The following SEMA5A variants were observed in gnomAD, a reference collection of about 807,000 sequenced individuals.
The protein encoded by SEMA5A is semaphorin-5A.
In SEMA5A, 55 loss-of-function variants were observed where a neutral mutation model predicts 135.5. The observed-to-expected ratio is 0.41, with a 90% CI of 0.33 to 0.51. SEMA5A has a LOEUF of 0.51. Among genes scored for constraint, SEMA5A ranks in the 20% least tolerant of loss-of-function variants. The pLI is 0.37. For synonymous variants in SEMA5A, 580 were observed against 546.5 expected (o/e 1.06, Z -0.85); for missense variants, 1,290 against 1,419.9 (o/e 0.91, Z 1.47).
chr5:9,077,627 T>C (rs1579350094), intron 16 of SEMA5A, among the ~76,000 whole-genome samples: 1 of 152,204 alleles, frequency 6.6e-6, no homozygotes, highest in South Asian at 2.1e-4. Context: ...TTATGCCACT[T>C]GTTTGCAAGG....
At chr5:9,506,832 T>G (rs534287469) in intron 1 of SEMA5A, among the ~76,000 whole-genome samples, 43 of 152,174 alleles carry the variant, frequency 2.8e-4, no homozygotes, top group Non-Finnish European at 4.9e-4. Context: ...TGCCTCCCCC[T>G]CTATGTGCTA....
At chr5:9,208,685 G>A (rs759024535) in intron 8 of SEMA5A, among the ~76,000 whole-genome samples, 1 of 152,166 alleles carries the variant, frequency 6.6e-6, no homozygotes, top group Non-Finnish European at 1.5e-5. Context: ...CCACAGTCAG[G>A]ATCAAAGAGA....
At chr5:9,514,337 T>G (rs1736387618) in intron 1 of SEMA5A, among the ~76,000 whole-genome samples, 1 of 152,142 alleles carries the variant, frequency 6.6e-6, no homozygotes. Context: ...CCATGTCAGG[T>G]AACATTCACA....
intron 1 of SEMA5A, among the ~76,000 whole-genome samples, chr5:9,440,875 G>A (rs1758208105): frequency 6.6e-6 from 1 of 152,198 alleles, no homozygotes; most frequent in Admixed American, 6.5e-5. Context: ...CCAGTCTTAT[G>A]AGCTGAATTT....
intron 11 of SEMA5A, among the ~76,000 whole-genome samples, chr5:9,187,970 GT>G (rs1744898598): frequency 6.6e-6 from 1 of 152,164 alleles, no homozygotes; most frequent in Non-Finnish European, 1.5e-5. Flanking sequence ...CTTTTAAATA[GT>G]GGTTTTAAAC....
At chr5:9,175,565 G>T (rs193163071) in intron 11 of SEMA5A, among the ~76,000 whole-genome samples, 66 of 152,190 alleles carry the variant, frequency 4.3e-4, no homozygotes, top group Non-Finnish European at 8.1e-4. Flanking sequence ...ACAACATATG[G>T]CATCTTCCTT....
At chr5:9,263,792 CT>C (rs1383566278) in intron 5 of SEMA5A, among the ~76,000 whole-genome samples, 2 of 152,200 alleles carry the variant, frequency 1.3e-5, no homozygotes, top group Non-Finnish European at 2.9e-5. Flanking sequence ...ACATGAGCTA[CT>C]CTAAAGAAGA....
intron 15 of SEMA5A, among the ~76,000 whole-genome samples, chr5:9,112,593 C>A (rs1358192545): frequency 3.9e-5 from 6 of 152,198 alleles, no homozygotes; most frequent in Non-Finnish European, 8.8e-5. Flanking sequence ...TGAAGAACAT[C>A]AGTTTGGCTC....
At chr5:9,328,998 C>A (rs188333532) in intron 4 of SEMA5A, among the ~76,000 whole-genome samples, 1 of 152,256 alleles carries the variant, frequency 6.6e-6, no homozygotes, top group Non-Finnish European at 1.5e-5. Context: ...TCTCTGTCAC[C>A]AACAGGTGCC....
intron 5 of SEMA5A, among the ~76,000 whole-genome samples, chr5:9,288,578 C>T (rs1426173026): frequency 5.3e-5 from 8 of 152,144 alleles, no homozygotes; most frequent in African/African-American, 9.7e-5. Flanking sequence ...CACTTTCTTT[C>T]GAAGATGATA....
chr5:9,077,806 G>A (rs1738149435), intron 16 of SEMA5A, among the ~76,000 whole-genome samples: 1 of 152,134 alleles, frequency 6.6e-6, no homozygotes, highest in African/African-American at 2.4e-5. Flanking sequence ...AGCCAACCTG[G>A]GTTCTTCTAA....
At chr5:9,493,502 T>C (rs1735144902) in intron 1 of SEMA5A, among the ~76,000 whole-genome samples, 1 of 152,112 alleles carries the variant, frequency 6.6e-6, no homozygotes, top group African/African-American at 2.4e-5. Flanking sequence ...TTTATTTCTA[T>C]GGGGAGAACA....
intron 16 of SEMA5A, among the ~76,000 whole-genome samples, chr5:9,099,945 G>A (rs575156267): frequency 5.2e-4 from 79 of 152,308 alleles, no homozygotes; most frequent in African/African-American, 1.8e-3. Context: ...GGGCCTTCCT[G>A]TCCTGTATCT....
At chr5:9,535,941 T>A (rs933670901) in intron 1 of SEMA5A, among the ~76,000 whole-genome samples, 2 of 152,182 alleles carry the variant, frequency 1.3e-5, no homozygotes, top group African/African-American at 4.8e-5. Context: ...TACTCAGAAC[T>A]GACTTAGATG....
In SEMA5A at chr5:9,483,516, C is replaced by A. The variant is rs1357206611; in HGVS notation, c.-174-45664G>T. ...TCTGCATGCATAAAGAGGTACTATG[C>A]ATTAGGCATATGGACTTCACTTGAG... On this transcript the variant is annotated intron_variant, in intron 1 of 22. Coordinates refer to ENST00000382496, the MANE Select transcript of SEMA5A (RefSeq NM_003966.3). Among the ~76,000 whole-genome samples, 3 of 152,196 alleles carry A rather than the reference C, an allele frequency of 2.0e-5. No individual in the cohort carries two copies. In the South Asian group the frequency reaches 6.2e-4, roughly 32 times the overall value.
chr5:9,455,558 A>G (rs1758804473), intron 1 of SEMA5A, among the ~76,000 whole-genome samples: 1 of 152,150 alleles, frequency 6.6e-6, no homozygotes. Flanking sequence ...GCCCAGCCGC[A>G]TATTGCAGTT....
intron 4 of SEMA5A, among the ~76,000 whole-genome samples, chr5:9,321,618 A>C (rs1032644357): frequency 1.3e-5 from 2 of 152,220 alleles, no homozygotes; most frequent in African/African-American, 2.4e-5. Context: ...TAAGAAAAAC[A>C]CTTGGAATGA....
chr5:9,148,240 A>T (rs191381967), intron 12 of SEMA5A, among the ~76,000 whole-genome samples: 1 of 152,346 alleles, frequency 6.6e-6, no homozygotes, highest in East Asian at 1.9e-4. Context: ...AATTTTCTAA[A>T]TTAGTGTTAT....
chr5:9,237,949 T>C (rs989380730), intron 5 of SEMA5A, 59 bp from the exon 6 acceptor site: 3 of 1,523,396 alleles, frequency 2.0e-6, no homozygotes, highest in Non-Finnish European at 2.7e-6. Context: ...AGGGAAAATA[T>C]AAACAAGGTA....
Sources: allele counts gnomAD v4.1 joint callset (sites outside exome capture counted in the v4.1 genomes callset), GRCh38; gene constraint gnomAD v4.1.1; transcripts MANE v1.5; gene names NCBI Gene and HGNC (gene_info 2026-07-23, HGNC 2026-07-21).